The following RAB27B variants were observed in gnomAD, a reference collection of about 807,000 sequenced individuals.
RAB27B encodes the protein ras-related protein Rab-27B.
RAB27B carries 15 observed loss-of-function variants against 24.6 expected under a neutral mutation model. The observed-to-expected ratio is 0.61, with a 90% confidence interval of 0.41 to 0.94. RAB27B has a LOEUF of 0.94. Among genes scored for constraint, RAB27B ranks in the 40% least tolerant of loss-of-function variants. The pLI is 0.00. For synonymous variants in RAB27B, 105 were observed against 92.5 expected (o/e 1.14, Z -0.78); for missense variants, 261 against 266.8 (o/e 0.98, Z 0.15).
intron 2 of RAB27B, among the ~76,000 whole-genome samples, chr18:54,773,684 T>C (rs565392605): frequency 5.9e-5 from 9 of 151,914 alleles, no homozygotes; most frequent in African/African-American, 2.2e-4. Context: ...CTTTTTTTTT[T>C]TTTTCTTTTG....
At chr18:54,859,005 C>G (rs1318457048) in intron 1 of RAB27B, among the ~76,000 whole-genome samples, 1 of 151,958 alleles carries the variant, frequency 6.6e-6, no homozygotes, top group Non-Finnish European at 1.5e-5. Context: ...TTATATGTGT[C>G]TTTTTGTTCA....
At chr18:54,802,030 A>G (rs778541732) in intron 2 of RAB27B, among the ~76,000 whole-genome samples, 1 of 152,230 alleles carries the variant, frequency 6.6e-6, no homozygotes, top group Non-Finnish European at 1.5e-5. Flanking sequence ...ACCTTGGTCC[A>G]TCTTGTTGAG....
intron 1 of RAB27B, among the ~76,000 whole-genome samples, chr18:54,867,599 A>G (rs966810730): frequency 4.0e-5 from 6 of 151,802 alleles, no homozygotes; most frequent in Non-Finnish European, 5.9e-5. Context: ...GGCGCGTGCC[A>G]CCAGACCCAG....
At chr18:54,814,384 G>T (rs1364376810) in intron 2 of RAB27B, among the ~76,000 whole-genome samples, 1 of 152,194 alleles carries the variant, frequency 6.6e-6, no homozygotes, top group African/African-American at 2.4e-5. Context: ...AAATATTTTT[G>T]ATTTAGCTCA....
At chr18:54,780,592 T>C (rs1908884020) in intron 2 of RAB27B, among the ~76,000 whole-genome samples, 1 of 152,208 alleles carries the variant, frequency 6.6e-6, no homozygotes, top group Non-Finnish European at 1.5e-5. Flanking sequence ...CCTAAACTCC[T>C]TTTCCAGTAA....
At chr18:54,771,570 T>C (rs912277642) in intron 2 of RAB27B, among the ~76,000 whole-genome samples, 1 of 151,022 alleles carries the variant, frequency 6.6e-6, no homozygotes, top group African/African-American at 2.4e-5. Context: ...AATGGTATTA[T>C]GGTGATAGAG....
chr18:54,804,892 CTCTT>C (rs772198005), intron 2 of RAB27B, among the ~76,000 whole-genome samples: 1 of 47,890 alleles, frequency 2.1e-5, no homozygotes, highest in East Asian at 2.4e-3. Context: ...TTCTTTCTTT[CTCTT>C]TCTCTCTCTC....
At chr18:54,731,319 G>A (rs1598863581) in intron 2 of RAB27B, among the ~76,000 whole-genome samples, 1 of 152,242 alleles carries the variant, frequency 6.6e-6, no homozygotes, top group Non-Finnish European at 1.5e-5. Context: ...CATAGTCATA[G>A]TGAGAGATTT....
At chr18:54,769,448 T>C (rs2311209) in intron 2 of RAB27B, among the ~76,000 whole-genome samples, 78,109 of 151,418 alleles carry the variant, frequency 0.52, 21,480 homozygotes, top group Middle Eastern at 0.63. Flanking sequence ...TTGTCCATCT[T>C]GTTTTTTTGT....
Position 54,882,501 on chromosome 18 carries a change from G to A in RAB27B, c.240-1832G>A, listed in dbSNP as rs182914283. ...AAAGACATAGGCAGGCCCACCAGGA[G>A]GAGCGCATAGCCCACATGCAGTGTT... On this transcript the variant is annotated intron_variant, in intron 3 of 5. Coordinates refer to ENST00000262094, the MANE Select transcript of RAB27B (RefSeq NM_004163.4). Among the ~76,000 whole-genome samples, 119 of 152,322 alleles carry A rather than the reference G, an allele frequency of 7.8e-4. No homozygotes were observed. The South Asian group carries it at 0.018, about 23-fold the overall frequency.
rs1275067766 is a variant in RAB27B, at chr18:54,889,575, A to C, written c.*162A>C. The C allele has an allele frequency of 3.1e-6, 2 of 647,810 alleles. No homozygotes were observed. Among genetic ancestry groups the C allele is most frequent in the East Asian group, 2.9e-5 (1 of 34,284 alleles). The allele number at this position is 647,810 out of a possible 1,614,324, so 40.1% of individuals were successfully genotyped here. ...GAAACCAGAATAGTCAACAGTGTTC[A>C]AAAGAATTGACTAGTTATCCCTGAG... On this transcript the variant is annotated 3_prime_UTR_variant, in exon 6 of 6. Coordinates refer to ENST00000262094, the MANE Select transcript of RAB27B (RefSeq NM_004163.4).
chr18:54,837,256 A>G (rs542960460), intron 1 of RAB27B, among the ~76,000 whole-genome samples: 33 of 152,238 alleles, frequency 2.2e-4, no homozygotes, highest in Non-Finnish European at 2.9e-5. Flanking sequence ...GGCAAATACA[A>G]AAGGTCTGAA....
At chr18:54,804,570 G>A (rs1909709755) in intron 2 of RAB27B, among the ~76,000 whole-genome samples, 1 of 152,160 alleles carries the variant, frequency 6.6e-6, no homozygotes, top group South Asian at 2.1e-4. Context: ...TGTGAAAACA[G>A]ACTAATTCAA....
intron 2 of RAB27B, among the ~76,000 whole-genome samples, chr18:54,784,099 G>A (rs116495284): frequency 0.031 from 4,710 of 152,234 alleles, 87 homozygotes; most frequent in Middle Eastern, 0.095. Context: ...TTACAGAAAG[G>A]CATTGCTAAC....
intron 1 of RAB27B, among the ~76,000 whole-genome samples, chr18:54,834,573 A>C (rs181651678): frequency 6.6e-6 from 1 of 152,042 alleles, no homozygotes; most frequent in Non-Finnish European, 1.5e-5. Flanking sequence ...TTATGTGTCT[A>C]TCCCTCTAGA....
intron 2 of RAB27B, among the ~76,000 whole-genome samples, chr18:54,820,668 G>T (rs1032621062): frequency 2.0e-5 from 3 of 152,108 alleles, no homozygotes; most frequent in Admixed American, 1.3e-4. Flanking sequence ...TGCTTTTGGT[G>T]TTTTAGACAT....
Sources: allele counts gnomAD v4.1 joint callset (sites outside exome capture counted in the v4.1 genomes callset), GRCh38; gene constraint gnomAD v4.1.1; transcripts MANE v1.5; gene names NCBI Gene and HGNC (gene_info 2026-07-23, HGNC 2026-07-21).